The following NPHP1 variants were observed in gnomAD, a reference collection of about 807,000 sequenced individuals.
NPHP1 encodes the protein nephrocystin 1.
Under a neutral mutation model 90.4 loss-of-function variants are expected in NPHP1, and 70 were observed. The observed-to-expected ratio is 0.77, with a 90% CI of 0.64 to 0.95. The LOEUF (loss-of-function observed/expected upper bound fraction) is 0.95, where lower values mean the gene tolerates loss of function less well. Ranked by LOEUF, NPHP1 falls within the 40% of genes least tolerant of loss-of-function variation. The pLI is 0.00. For missense variants in NPHP1, 764 were observed against 795.9 expected, an observed-to-expected ratio of 0.96 and a Z score of 0.48; for synonymous variants, 256 against 271.7, an observed-to-expected ratio of 0.94 and a Z score of 0.57.
intron 19 of NPHP1, chr2:110,124,485 AGGTG>A: frequency 7.2e-6 from 2 of 277,814 alleles, no homozygotes; most frequent in Admixed American, 4.4e-5. Flanking sequence ...TAATTGTAGC[AGGTG>A]TTCTGCATAG....
At position 110,146,735 on chromosome 2, in the gene NPHP1, A is replaced by T. The variant is rs2104492121; in HGVS notation, c.1352+18T>A. The T allele has an allele frequency of 6.4e-7, 1 of 1,568,588 alleles. No homozygotes were observed. Among genetic ancestry groups the T allele is most frequent in the Non-Finnish European group, 8.8e-7 (1 of 1,138,388 alleles). On this transcript the variant is annotated intron_variant, in intron 14 of 19. Transcript: ENST00000445609. ...TTTACAGAAGTATTCATTCGTTAGG[A>T]ATATATAGCCAACTTACTTTGCTGG...
chr2:110,135,346 A>G (rs62160545), intron 16 of NPHP1, among the ~76,000 whole-genome samples: 58,468 of 151,076 alleles, frequency 0.39, 12,096 homozygotes, highest in East Asian at 0.59. Context: ...GCGTGTTGGC[A>G]GGCGCCTGTA....
In NPHP1 at chr2:110,143,542, C is replaced by A; in HGVS notation, c.1529G>T (p.Ser510Ile). 6.2e-7 allele frequency: 1 copy of A among 1,606,184 alleles called. No homozygotes were observed. The highest frequency in any genetic ancestry group is 8.5e-7 in the Non-Finnish European group (1 of 1,172,712). Residue 510 changes from serine to isoleucine, a missense_variant and splice_region_variant, in exon 16 of 20, where the codon AGT becomes ATT. By Grantham distance (142) the Ser-to-Ile change is moderately radical (BLOSUM62 -2). Transcript: ENST00000445609. ...SLNRRSRNVL[S>I]LLPETLIGNM... is the part of the protein sequence containing the mutation. ...TGGACAGGTAAAAGCAGGTACCCAC[C>A]TTAGTACATTTCTTGATCTTCTGTT...
chr2:110,168,602 G>T, intron 5 of NPHP1, 49 bp from the exon 6 acceptor site: 2 of 1,219,736 alleles, frequency 1.6e-6, no homozygotes, highest in African/African-American at 1.5e-5. Flanking sequence ...CAATAATCAT[G>T]AGTATATGTC....
chr2:110,180,920 G>C (rs1683859807), intron 2 of NPHP1, among the ~76,000 whole-genome samples: 1 of 152,178 alleles, frequency 6.6e-6, no homozygotes. Flanking sequence ...GGCACATACA[G>C]TGACCCAGGA....
intron 16 of NPHP1, among the ~76,000 whole-genome samples, chr2:110,135,026 A>G (rs1680065237): frequency 6.6e-6 from 1 of 152,150 alleles, no homozygotes; most frequent in Admixed American, 6.5e-5. Flanking sequence ...ATGTAGAAAT[A>G]TGTAGAATAT....
At position 110,169,901 on chromosome 2, in the gene NPHP1, TCTCTTC is replaced by T. The variant is rs777574728; in HGVS notation, c.421_426del (p.Glu141_Glu142del). On this transcript the variant is annotated inframe_deletion, in exon 5 of 20. Transcript: ENST00000445609. ...CATTTGTGAGATTCATTTTCCTCTT[TCTCTTC>T]CTCTTCCTCCTCTGCATCTTCTTCC... 136 of 1,612,354 alleles carry T rather than the reference TCTCTTC, an allele frequency of 8.4e-5. 1 individual carries two copies. In the African/African-American group the frequency reaches 1.6e-3, roughly 19 times the overall value.
At chr2:110,142,930 T>C (rs1055925506) in intron 16 of NPHP1, among the ~76,000 whole-genome samples, 8 of 152,136 alleles carry the variant, frequency 5.3e-5, no homozygotes, top group Non-Finnish European at 7.3e-5. Context: ...TGCAATGGCA[T>C]GGGTAAGTCT....
intron 3 of NPHP1, among the ~76,000 whole-genome samples, chr2:110,179,292 TC>T (rs1234765440): frequency 6.6e-6 from 1 of 152,090 alleles, no homozygotes; most frequent in Admixed American, 6.5e-5. Context: ...ATGCATTATT[TC>T]CCCACAAAGA....
Position 110,131,756 on chromosome 2 carries a change from G to C in NPHP1, c.1565C>G (p.Ser522Cys). The C allele has an allele frequency of 6.2e-7, 1 of 1,611,652 alleles. No homozygotes were observed. Among genetic ancestry groups the C allele is most frequent in the Non-Finnish European group, 8.5e-7 (1 of 1,177,896 alleles). ...LPETLIGNMC[S>C]IHLLIFYRQI... ...TCGATAAAATATCAACAAGTGAATA[G>C]AACACATATTTCCAATTAATGTTTC... Residue 522 changes from serine (S) to cysteine (C), a missense_variant, in exon 17 of 20, where the codon TCT (serine) becomes TGT (cysteine). Ser to Cys is a moderately radical substitution (Grantham distance 112). Coordinates refer to ENST00000445609, the MANE Select transcript of NPHP1 (RefSeq NM_001128178.3).
intron 14 of NPHP1, 25 bp downstream of exon 14, chr2:110,146,728 C>T (rs775029927): frequency 5.9e-6 from 9 of 1,522,020 alleles, no homozygotes; most frequent in East Asian, 2.3e-5. Flanking sequence ...AGTATTCATT[C>T]GTTAGGAATA....
Position 110,169,986 on chromosome 2 carries a change from A to C in NPHP1, c.342T>G (p.Pro114=). 1 of 1,612,380 alleles carries C rather than the reference A, an allele frequency of 6.2e-7. No individual in the cohort carries two copies. The highest frequency in any genetic ancestry group is 8.5e-7 in the Non-Finnish European group (1 of 1,178,568). The part of the protein sequence containing the change: ...SRENITEVGA[P]TEEEEESESE... The stretch of plus-strand genomic sequence containing the variant: ...TTTCACTTTCTTCCTCTTCTTCAGT[A>C]GGTGCCCCAACTCTACAAAAAGTGT... The change falls in exon 5 of 20, where the codon CCT becomes CCG. Residue 114 remains proline (P), a synonymous_variant. Coordinates refer to ENST00000445609, the MANE Select transcript of NPHP1 (RefSeq NM_001128178.3).
chr2:110,180,814 G>A (rs1308574192), intron 2 of NPHP1, among the ~76,000 whole-genome samples: 8 of 152,102 alleles, frequency 5.3e-5, no homozygotes. Flanking sequence ...ACGGATCTCT[G>A]CAACCCACAG....
chr2:110,164,991 T>G, intron 7 of NPHP1, 61 bp downstream of exon 7: 1 of 1,327,792 alleles, frequency 7.5e-7, no homozygotes, highest in Non-Finnish European at 1.1e-6. Flanking sequence ...GTTATAATAA[T>G]AAAAATAAAC....
chr2:110,148,110 C>A, intron 12 of NPHP1, 84 bp from the exon 13 acceptor site: 3 of 894,222 alleles, frequency 3.4e-6, no homozygotes, highest in Non-Finnish European at 5.6e-6. Context: ...ATGTCCCCAC[C>A]AAATTTCATG....
Position 110,177,388 on chromosome 2 carries a change from T to C in NPHP1, c.329+1035A>G, listed in dbSNP as rs1044879689. On this transcript the variant is annotated intron_variant, in intron 4 of 19. Transcript: ENST00000445609. ...CACTGAAATAGTCTGAATAACTGAT[T>C]TTTTTCTTTTGCTTCCCACAAATTG... 3.9e-5 allele frequency among the ~76,000 whole-genome samples: 6 copies of C among 152,124 alleles called. 1 individual carries two copies. The highest frequency in any genetic ancestry group is 8.8e-5 in the Non-Finnish European group (6 of 68,020).
chr2:110,152,375 A>G (rs916963313), intron 11 of NPHP1, among the ~76,000 whole-genome samples: 4 of 152,022 alleles, frequency 2.6e-5, no homozygotes, highest in Non-Finnish European at 5.9e-5. Flanking sequence ...GAAGCAATGA[A>G]GCAGTGATAG....
intron 2 of NPHP1, among the ~76,000 whole-genome samples, chr2:110,189,728 C>G (rs1016122049): frequency 1.3e-5 from 2 of 152,054 alleles, no homozygotes; most frequent in African/African-American, 4.8e-5. Flanking sequence ...CTGACTGGTG[C>G]GTTTACAATC....
intron 6 of NPHP1, among the ~76,000 whole-genome samples, chr2:110,165,378 A>G (rs539665140): frequency 6.6e-6 from 1 of 152,298 alleles, no homozygotes; most frequent in African/African-American, 2.4e-5. Context: ...AATTTTCAAC[A>G]CATGGTTAAT....
Sources: allele counts gnomAD v4.1 joint callset (sites outside exome capture counted in the v4.1 genomes callset), GRCh38; gene constraint gnomAD v4.1.1; transcripts MANE v1.5; gene names NCBI Gene and HGNC (gene_info 2026-07-23, HGNC 2026-07-21).